Variants in TUBB8 observed in about 807,000 individuals in gnomAD.
The protein encoded by TUBB8 is tubulin beta 8 class VIII.
In TUBB8, 25 loss-of-function variants were observed where a neutral mutation model predicts 33.7. The observed-to-expected ratio is 0.74, with a 90% CI of 0.54 to 1.04. The LOEUF (loss-of-function observed/expected upper bound fraction) is 1.04, where lower values mean the gene tolerates loss of function less well. Among genes scored for constraint, TUBB8 ranks in the 50% least tolerant of loss-of-function variants. The pLI, the probability that TUBB8 is intolerant of heterozygous loss-of-function variation, is 0.00. For synonymous variants in TUBB8, 245 were observed against 240.1 expected, an observed-to-expected ratio of 1.02 and a Z score of -0.19; for missense variants, 279 against 608.0, an observed-to-expected ratio of 0.46 and a Z score of 5.69.
chr10:50,003 G>T, upstream of TUBB8: 1 of 163,296 alleles, frequency 6.1e-6, no homozygotes, highest in Non-Finnish European at 1.3e-5. Flanking sequence ...GATGGGGTGG[G>T]GAATGCCTCG....
intron 1 of TUBB8, among the ~76,000 whole-genome samples, chr10:64,173 C>G (rs1213109294): frequency 6.6e-6 from 1 of 152,156 alleles, no homozygotes; most frequent in African/African-American, 2.4e-5. Flanking sequence ...GCCACCACCA[C>G]TGAGACTGTG....
At chr10:66,869 A>G (rs782365934) in intron 1 of TUBB8, among the ~76,000 whole-genome samples, 16 of 151,848 alleles carry the variant, frequency 1.1e-4, no homozygotes, top group Non-Finnish European at 2.2e-4. Flanking sequence ...GCTACTTGGG[A>G]GGCTGAGGCG....
rs1834415691 is a variant in TUBB8 at position 48,865 on chromosome 10, G to C, written c.105C>G (p.Thr35=). Residue 35 remains threonine (T), a synonymous_variant, in exon 2 of 4, where the codon ACC becomes ACG. Transcript: ENST00000568584. ...GCTGCAGGTGGCTGTCCCCGTGGTAGGTGCCAGCGGAGTCGATGGCATGTT... is the reference window on the plus strand; with the variant it reads ...GCTGCAGGTGGCTGTCCCCGTGGTACGTGCCAGCGGAGTCGATGGCATGTT... ...SDEHAIDSAG[T]YHGDSHLQLE... 1 of 1,587,912 alleles carries C rather than the reference G, an allele frequency of 6.3e-7. No individual in the cohort carries two copies. The highest frequency in any genetic ancestry group is 8.6e-7 in the Non-Finnish European group (1 of 1,168,926).
intron 1 of TUBB8, among the ~76,000 whole-genome samples, chr10:64,340 C>A (rs182781847): frequency 5.5e-4 from 74 of 134,828 alleles, no homozygotes; most frequent in African/African-American, 1.9e-3. Flanking sequence ...TTAGCCCTAA[C>A]CCTTACCCTA....
upstream of TUBB8, among the ~76,000 whole-genome samples, chr10:76,150 A>C (rs566918224): frequency 1.3e-4 from 20 of 150,902 alleles, no homozygotes; most frequent in Non-Finnish European, 2.2e-4. Context: ...AAAAAAAAAA[A>C]AAAAAAAAAA....
At chr10:48,782 G>A (rs1834412711) in intron 2 of TUBB8, 22 bp downstream of exon 2, 1 of 1,610,240 alleles carries the variant, frequency 6.2e-7, no homozygotes. Flanking sequence ...GGAGGGCGGT[G>A]GGGGAAGGAC....
At position 47,034 on chromosome 10, in the gene TUBB8, C is replaced by CG; in HGVS notation, c.*22_*23insC. The CG allele has an allele frequency of 2.6e-6, 2 of 769,052 alleles. No individual in the cohort carries two copies. The highest frequency in any genetic ancestry group is 4.3e-6 in the Non-Finnish European group (2 of 460,676). The allele number at this position is 769,052 out of a possible 1,614,324, so 47.6% of individuals were successfully genotyped here. A position where few individuals can be genotyped will look rare whatever the true frequency, so the allele number is the denominator to read the frequency against. On this transcript the variant is annotated 3_prime_UTR_variant, in exon 4 of 4. Transcript: ENST00000568584. ...AGTAAAGAATCCACACTGCTTCCCC[C>CG]CTTTACCTAGAAAAGGAGAGTTCTA...
At chr10:61,578 G>A (rs1182968073) in intron 1 of TUBB8, among the ~76,000 whole-genome samples, 20 of 152,234 alleles carry the variant, frequency 1.3e-4, no homozygotes, top group Admixed American at 7.2e-4. Flanking sequence ...TTCTGCAGCT[G>A]TTGGATGAAA....
chr10:73,193 G>A (rs1211946052), intron 1 of TUBB8, among the ~76,000 whole-genome samples: 1 of 152,210 alleles, frequency 6.6e-6, no homozygotes, highest in East Asian at 1.9e-4. Flanking sequence ...CGCACACAAT[G>A]GTGTTTTTGG....
In TUBB8 at chr10:47,079, T is replaced by A. The variant is rs1588269515; in HGVS notation, c.1313A>T (p.Tyr438Phe). Reference protein sequence around the residue: ...ATAEEEEDEEYAEEEVA With the variant: ...ATAEEEEDEEFAEEEVA ...GTTCTAGGCCACCTCCTCCTCGGCATACTCCTCATCCTCCTCCTCCTCGGC... is the reference window on the plus strand; with the variant it reads ...GTTCTAGGCCACCTCCTCCTCGGCAAACTCCTCATCCTCCTCCTCCTCGGC... The change falls in exon 4 of 4, where the codon TAT (tyrosine) becomes TTT (phenylalanine). Residue 438 changes from tyrosine to phenylalanine, a missense_variant. Physicochemically the swap from Tyr to Phe is conservative, Grantham distance 22 (BLOSUM62 3). Transcript: ENST00000568584. The A allele has an allele frequency of 1.5e-6, 2 of 1,291,804 alleles. No individual in the cohort carries two copies. Among genetic ancestry groups the A allele is most frequent in the Non-Finnish European group, 2.2e-6 (2 of 899,398 alleles). The allele number at this position is 1,291,804 out of a possible 1,614,324, so 80.0% of individuals were successfully genotyped here.
intron 1 of TUBB8, among the ~76,000 whole-genome samples, chr10:63,902 C>A (rs1300845846): frequency 6.6e-6 from 1 of 152,136 alleles, no homozygotes; most frequent in Non-Finnish European, 1.5e-5. Context: ...GTAGTCTTCA[C>A]AGTCTGGGCT....
chr10:52,142 C>T (rs570208130), upstream of TUBB8, among the ~76,000 whole-genome samples: 338 of 152,338 alleles, frequency 2.2e-3, no homozygotes, highest in African/African-American at 7.8e-3. Flanking sequence ...ATGACACCCC[C>T]AGGTCTCTAC....
chr10:58,817 C>A (rs1834563888), intron 1 of TUBB8, among the ~76,000 whole-genome samples: 1 of 152,182 alleles, frequency 6.6e-6, no homozygotes, highest in African/African-American at 2.4e-5. Context: ...CACATTCAAA[C>A]CCTATCAGAG....
upstream of TUBB8, among the ~76,000 whole-genome samples, chr10:76,240 GCA>G (rs769807742): frequency 2.6e-5 from 4 of 151,794 alleles, no homozygotes; most frequent in Admixed American, 6.6e-5. Context: ...CCGACCGACG[GCA>G]CAACGGCCTC....
chr10:49,058 G>A, intron 1 of TUBB8, 124 bp downstream of exon 1: 1 of 1,274,838 alleles, frequency 7.8e-7, no homozygotes, highest in Non-Finnish European at 1.1e-6. Context: ...CAGCCACCCG[G>A]TTCCACCGTC....
intron 1 of TUBB8, among the ~76,000 whole-genome samples, chr10:65,135 A>G (rs1398979772): frequency 5.9e-5 from 9 of 152,288 alleles, no homozygotes; most frequent in East Asian, 1.9e-4. Context: ...GCAACAGAGC[A>G]AGAACCTGTC....
intron 1 of TUBB8, among the ~76,000 whole-genome samples, chr10:61,783 G>T (rs1834605224): frequency 6.6e-6 from 1 of 152,062 alleles, no homozygotes; most frequent in South Asian, 2.1e-4. Context: ...CTTTAGTGTT[G>T]GGTGCATATA....
chr10:48,448 C>T (rs2131812345), intron 3 of TUBB8, 167 bp downstream of exon 3: 15 of 708,510 alleles, frequency 2.1e-5, no homozygotes, highest in South Asian at 2.0e-4. Flanking sequence ...CAGGGCCTTC[C>T]TCCCGAAGCC....
In TUBB8 at chr10:48,065, G is replaced by C; in HGVS notation, c.327C>G (p.Gly109=). Residue 109 remains glycine, a synonymous_variant, in exon 4 of 4, where the codon GGC becomes GGG. Transcript: ENST00000568584. ...NNWAKGHYTE[G]AELMESVMDV... ...CCATCACTGACTCCATCAGCTCCGC[G>C]CCTTCGGTGTAGTGTCCCTTGGCCC... is the stretch of plus-strand genomic sequence containing the variant. The C allele has an allele frequency of 6.6e-7, 1 of 1,507,630 alleles. No individual in the cohort carries two copies. Among genetic ancestry groups the C allele is most frequent in the Non-Finnish European group, 9.0e-7 (1 of 1,115,192 alleles). 93.4% of individuals were successfully genotyped at this position (1,507,630 alleles called of 1,614,324 possible).
Sources: gnomAD v4.1 joint callset for allele counts (sites outside exome capture counted in the v4.1 genomes callset) on GRCh38, gnomAD v4.1.1 for gene constraint, MANE v1.5 for transcripts, NCBI Gene and HGNC (gene_info 2026-07-23, HGNC 2026-07-21) for gene names.